The following CAPN5 variants were observed in gnomAD, a reference collection of about 807,000 sequenced individuals.
CAPN5 encodes calpain 5, also known as calpain-5.
In CAPN5, 54 loss-of-function variants were observed where a neutral mutation model predicts 73.0. The ratio of observed to expected loss-of-function variants is 0.74; its 90% CI spans 0.59 to 0.93. The LOEUF is 0.93. Ranked by LOEUF, CAPN5 falls within the 40% of genes least tolerant of loss-of-function variation. The pLI, the probability that CAPN5 is intolerant of heterozygous loss-of-function variation, is 0.00. For missense variants in CAPN5, 785 were observed against 882.9 expected (o/e 0.89, Z 1.41); for synonymous variants, 335 against 356.9 (o/e 0.94, Z 0.69).
In CAPN5 at chr11:77,088,123, C is replaced by T. The variant is rs1325679423; in HGVS notation, c.165+3072C>T. ...CCCTCATCCAGCATGCTGTCTCTCC[C>T]ACATCTGGGTATGAGCCTGGAGGTC... On this transcript the variant is annotated intron_variant, in intron 2 of 12. Coordinates refer to ENST00000648180, the MANE Select transcript of CAPN5 (RefSeq NM_004055.5). 4.7e-6 allele frequency: 7 copies of T among 1,478,936 alleles called. No individual in the cohort carries two copies. The Admixed American group carries it at 1.5e-4, about 32-fold the overall frequency. 91.6% of individuals were successfully genotyped at this position (1,478,936 alleles called of 1,614,324 possible).
At chr11:77,105,761 C>T (rs1176746903) in intron 3 of CAPN5, among the ~76,000 whole-genome samples, 1 of 152,208 alleles carries the variant, frequency 6.6e-6, no homozygotes. Context: ...GCTAGACTGA[C>T]ATGGGCAAGA....
chr11:77,119,362 C>T (rs1555042328), intron 9 of CAPN5: 3 of 588,786 alleles, frequency 5.1e-6, no homozygotes, highest in African/African-American at 3.7e-5. Context: ...TCTGTGGGAG[C>T]TCTCAGCCTG....
chr11:77,112,452 G>T (rs980012463), intron 3 of CAPN5, 137 bp from the exon 4 acceptor site: 14 of 687,316 alleles, frequency 2.0e-5, no homozygotes, highest in Non-Finnish European at 3.3e-5. Flanking sequence ...TCTCACGAAG[G>T]CTTGTGGCAG....
At position 77,091,998 on chromosome 11, in the gene CAPN5, T is replaced by C. The variant is rs940066208; in HGVS notation, c.166-1684T>C. Reference sequence around the variant, plus strand: ...ACTTTGGGAGGCTGAGGCGGGAAGATTGCTTGAGCTCAGGAGTTTGAGACC... The same window carrying C: ...ACTTTGGGAGGCTGAGGCGGGAAGACTGCTTGAGCTCAGGAGTTTGAGACC... On this transcript the variant is annotated intron_variant, in intron 2 of 12. Coordinates refer to ENST00000648180, the MANE Select transcript of CAPN5 (RefSeq NM_004055.5). 3.3e-5 allele frequency among the ~76,000 whole-genome samples: 5 copies of C among 152,188 alleles called. No individual in the cohort carries two copies. In the East Asian group the frequency reaches 5.8e-4, roughly 18 times the overall value.
At chr11:77,114,099 C>T (rs535565374) in intron 4 of CAPN5, 143 bp from the exon 5 acceptor site, 95 of 668,116 alleles carry the variant, frequency 1.4e-4, no homozygotes, top group Non-Finnish European at 2.2e-4. Flanking sequence ...AACTGGGTTC[C>T]AGTGTTGGCT....
At chr11:77,119,395 CA>C in intron 9 of CAPN5, 1 of 539,152 alleles carries the variant, frequency 1.9e-6, no homozygotes, top group Non-Finnish European at 3.3e-6. Flanking sequence ...CTAAGACCCA[CA>C]GGCCTGGGAT....
At chr11:77,117,195 C>T (rs1289804424) in intron 7 of CAPN5, among the ~76,000 whole-genome samples, 1 of 151,570 alleles carries the variant, frequency 6.6e-6, no homozygotes, top group East Asian at 1.9e-4. Flanking sequence ...ATGATCGCAC[C>T]ACTGCACTCC....
chr11:77,084,983 C>G lies in CAPN5; in HGVS notation c.97C>G (p.Pro33Ala), dbSNP rs1950069072. The G allele has an allele frequency of 2.2e-5, 35 of 1,613,894 alleles. No homozygotes were observed. The highest frequency in any genetic ancestry group is 3.0e-5 in the Non-Finnish European group (35 of 1,180,038). Reference sequence around the variant, plus strand: ...GGTGCTCTTCGAGGACCCCCTCTTCCCCGCCACTGACGACTCACTCTACTA... The same window carrying G: ...GGTGCTCTTCGAGGACCCCCTCTTCGCCGCCACTGACGACTCACTCTACTA... ...RKVLFEDPLF[P>A]ATDDSLYYKG... The change falls in exon 2 of 13, where the codon CCC (proline) becomes GCC (alanine). Residue 33 changes from proline to alanine, a missense_variant. By Grantham distance (27) the Pro-to-Ala change is conservative (BLOSUM62 -1). Coordinates refer to ENST00000648180, the MANE Select transcript of CAPN5 (RefSeq NM_004055.5).
At chr11:77,118,083 G>A in intron 7 of CAPN5, 74 bp from the exon 8 acceptor site, 1 of 1,376,196 alleles carries the variant, frequency 7.3e-7, no homozygotes. Flanking sequence ...GACATATTAG[G>A]TTGTTGGGCT....
chr11:77,085,816 C>T (rs1950079764), intron 2 of CAPN5, among the ~76,000 whole-genome samples: 1 of 152,130 alleles, frequency 6.6e-6, no homozygotes, highest in African/African-American at 2.4e-5. Flanking sequence ...CCCTGGTGGC[C>T]TGGGTGGAGG....
chr11:77,087,967 A>G, intron 2 of CAPN5: 4 of 1,535,934 alleles, frequency 2.6e-6, no homozygotes, highest in Non-Finnish European at 2.6e-6. Flanking sequence ...CTGGCCCCTC[A>G]CAGGCCTGGC....
At position 77,122,620 on chromosome 11, in the gene CAPN5, C is replaced by T. The variant is rs190746597; in HGVS notation, c.1648C>T (p.Arg550Cys). 4.9e-5 allele frequency: 79 copies of T among 1,613,510 alleles called. No individual in the cohort carries two copies. The highest frequency in any genetic ancestry group is 1.7e-4 in the Middle Eastern group (1 of 6,048). ...CATCAAGTGTGAGGGAGACAAAGTC[C>T]GCTCGGCTGTGCAGAAGGGCACCTC... is the stretch of plus-strand genomic sequence containing the variant. ...VIIKCEGDKV[R>C]SAVQKGTSTP... Residue 550 changes from arginine (R) to cysteine (C), a missense_variant, in exon 12 of 13, where the codon CGC becomes TGC. Coordinates refer to ENST00000648180, the MANE Select transcript of CAPN5 (RefSeq NM_004055.5).
intron 3 of CAPN5, among the ~76,000 whole-genome samples, chr11:77,110,867 C>T (rs1270166138): frequency 1.3e-5 from 2 of 152,188 alleles, no homozygotes; most frequent in African/African-American, 4.8e-5. Flanking sequence ...TCTGTACACT[C>T]AGGTGAGTGC....
At chr11:77,108,557 T>A (rs544580512) in intron 3 of CAPN5, among the ~76,000 whole-genome samples, 1 of 152,274 alleles carries the variant, frequency 6.6e-6, no homozygotes, top group South Asian at 2.1e-4. Flanking sequence ...GAATTTCTAC[T>A]GTAGACAGCG....
chr11:77,115,923 C>T (rs1555041674), intron 6 of CAPN5, among the ~76,000 whole-genome samples: 2 of 152,084 alleles, frequency 1.3e-5, no homozygotes, highest in African/African-American at 2.4e-5. Flanking sequence ...GGGAGTGGAG[C>T]CCAGGTGCTA....
At chr11:77,122,418 C>T (rs969518225) in intron 11 of CAPN5, among the ~76,000 whole-genome samples, 158 bp from the exon 12 acceptor site, 5 of 152,128 alleles carry the variant, frequency 3.3e-5, no homozygotes, top group East Asian at 1.9e-4. Context: ...CCCTGCTGGC[C>T]GGCCTGTCTC....
At chr11:77,097,478 T>TG in intron 3 of CAPN5, among the ~76,000 whole-genome samples, 3 of 143,672 alleles carry the variant, frequency 2.1e-5, no homozygotes, top group Admixed American at 6.9e-5. Context: ...TTTTTTTTTT[T>TG]TTTTTTTTTT....
intron 6 of CAPN5, 47 bp downstream of exon 6, chr11:77,115,635 A>G (rs558755836): frequency 6.6e-7 from 1 of 1,525,852 alleles, no homozygotes; most frequent in South Asian, 1.2e-5. Context: ...GAGGGCTTGG[A>G]CAAGGACGGG....
intron 2 of CAPN5, among the ~76,000 whole-genome samples, chr11:77,087,331 G>A (rs1211689044): frequency 1.3e-5 from 2 of 152,224 alleles, no homozygotes; most frequent in African/African-American, 4.8e-5. Flanking sequence ...ACGCCCAGCT[G>A]CTTGCCAGTG....
Sources: allele counts gnomAD v4.1 joint callset (sites outside exome capture counted in the v4.1 genomes callset), GRCh38; gene constraint gnomAD v4.1.1; transcripts MANE v1.5; gene names NCBI Gene and HGNC (gene_info 2026-07-23, HGNC 2026-07-21).